Variants in OTUD7B observed in about 807,000 individuals in gnomAD.
OTUD7B encodes the protein OTU domain-containing protein 7B.
Under a neutral mutation model 82.2 loss-of-function variants are expected in OTUD7B, and 34 were observed. That is an observed-to-expected ratio of 0.41 (90% CI 0.31 to 0.55). The LOEUF is 0.55. Among genes scored for constraint, OTUD7B ranks in the 20% least tolerant of loss-of-function variants. OTUD7B has a pLI of 0.20. For missense variants in OTUD7B, 944 were observed against 1,062.1 expected (o/e 0.89, Z 1.55); for synonymous variants, 398 against 402.7 (o/e 0.99, Z 0.14).
At chr1:149,993,162 C>CAGCCTGAAAGCATCAA (rs1311502323) in intron 1 of OTUD7B, among the ~76,000 whole-genome samples, 6 of 152,108 alleles carry the variant, frequency 3.9e-5, no homozygotes, top group African/African-American at 1.4e-4. Context: ...AGAAAGTATA[C>CAGCCTGAAAGCATCAA]AGCCTGAAAG....
the OTUD7B span, among the ~76,000 whole-genome samples, chr1:150,060,081 A>G: frequency 6.6e-6 from 1 of 152,232 alleles, no homozygotes; most frequent in African/African-American, 2.4e-5. Context: ...TAATATTGGC[A>G]TATAAAAGAG....
Position 149,944,921 on chromosome 1 carries a change from G to A in OTUD7B, c.1468C>T (p.Arg490Ter), listed in dbSNP as rs782649998. ...CTCTTCTTGTCCTTCTCCCGATCTC[G>A]CTTTGACTTCTCCTTCCGCCGGCCG... ...EGGRRKEKSK[R>*]DREKDKKRAD... The change falls in exon 12 of 12, where the codon CGA becomes TGA. Residue 490 changes from arginine to a stop codon, truncating the protein, a stop_gained. Coordinates refer to ENST00000581312, the MANE Select transcript of OTUD7B (RefSeq NM_020205.4). LOFTEE classifies it high-confidence loss of function. The A allele has an allele frequency of 6.8e-6, 11 of 1,614,136 alleles. No individual in the cohort carries two copies. Among genetic ancestry groups the A allele is most frequent in the Non-Finnish European group, 9.3e-6 (11 of 1,180,038 alleles).
chr1:149,946,622 A>G (rs587741187), intron 11 of OTUD7B, among the ~76,000 whole-genome samples: 193 of 150,988 alleles, frequency 1.3e-3, no homozygotes, highest in Non-Finnish European at 2.0e-3. Context: ...CACGTCTGTA[A>G]TCCCAGCTAC....
the OTUD7B span, among the ~76,000 whole-genome samples, chr1:150,024,129 T>G: frequency 6.6e-6 from 1 of 152,220 alleles, no homozygotes; most frequent in South Asian, 2.1e-4. Flanking sequence ...TGAGCACTTA[T>G]CTGCACAAGG....
At position 149,984,587 on chromosome 1, in the gene OTUD7B, C is replaced by T. The variant is rs1315058706; in HGVS notation, c.-66-7011G>A. Among the ~76,000 whole-genome samples the T allele has an allele frequency of 2.0e-5, 3 of 152,164 alleles. No homozygotes were observed. The East Asian group carries it at 5.8e-4, about 29-fold the overall frequency. On this transcript the variant is annotated intron_variant, in intron 1 of 11. Coordinates refer to ENST00000581312, the MANE Select transcript of OTUD7B (RefSeq NM_020205.4). Reference sequence around the variant, plus strand: ...CATCTTCTCATTGAAACTTCATTCACAGCCCTAAGCACCCAAATGTTCATG... The same window carrying T: ...CATCTTCTCATTGAAACTTCATTCATAGCCCTAAGCACCCAAATGTTCATG...
At chr1:150,010,806 GCCT>G (rs1559872678), upstream of OTUD7B, 1 of 152,198 alleles carries the variant, frequency 6.6e-6, no homozygotes, top group East Asian at 1.9e-4. Context: ...CCGCCCCCGG[GCCT>G]CCTCCCGCTC....
At chr1:149,997,782 G>T (rs1553783708) in intron 1 of OTUD7B, among the ~76,000 whole-genome samples, 1 of 151,986 alleles carries the variant, frequency 6.6e-6, no homozygotes, top group African/African-American at 2.4e-5. Context: ...ACCATAATGT[G>T]GTCTTCAACT....
chr1:150,041,411 C>T, the OTUD7B span, among the ~76,000 whole-genome samples: 2 of 152,200 alleles, frequency 1.3e-5, no homozygotes, highest in Non-Finnish European at 2.9e-5. Flanking sequence ...CAGCTCACTG[C>T]ATCCTCCGCC....
At chr1:150,038,110 CA>C in the OTUD7B span, among the ~76,000 whole-genome samples, 1 of 152,070 alleles carries the variant, frequency 6.6e-6, no homozygotes, top group African/African-American at 2.4e-5. Flanking sequence ...CCACCCGCCT[CA>C]GCCTCCCAAA....
intron 1 of OTUD7B, 34 bp from the exon 2 acceptor site, chr1:149,977,610 A>ATCCTGTTC: frequency 1.2e-6 from 1 of 810,318 alleles, no homozygotes; most frequent in Non-Finnish European, 2.1e-6. Flanking sequence ...GGCTCAAATT[A>ATCCTGTTC]CACTGGAACA....
chr1:149,969,392 G>A (rs1383120764), intron 3 of OTUD7B, among the ~76,000 whole-genome samples: 1 of 152,126 alleles, frequency 6.6e-6, no homozygotes, highest in Non-Finnish European at 1.5e-5. Context: ...GATTTCACAA[G>A]GAAGTCTTCT....
the OTUD7B span, among the ~76,000 whole-genome samples, chr1:150,058,112 C>G: frequency 6.6e-6 from 1 of 152,210 alleles, no homozygotes; most frequent in Non-Finnish European, 1.5e-5. Context: ...ACAAAAACTA[C>G]TCAATCTCCT....
intron 6 of OTUD7B, among the ~76,000 whole-genome samples, chr1:149,960,413 T>TTTTTAG (rs1366020859): frequency 4.1e-5 from 3 of 72,566 alleles, no homozygotes; most frequent in East Asian, 4.9e-4. Context: ...TTTTTTTTTG[T>TTTTTAG]AGACAGAGTC....
rs185177523 is a variant in OTUD7B, at chr1:149,978,445, G to T, written c.-66-869C>A. Among the ~76,000 whole-genome samples the T allele has an allele frequency of 3.2e-3, 488 of 151,180 alleles. 2 individuals are homozygous for T. The highest frequency in any genetic ancestry group is 5.8e-3 in the Non-Finnish European group (390 of 67,640). ...TCCCTTGAACCTACGTGGGGCAGAG[G>T]TTGCAGTGAGCCGAGATCACACCAC... On this transcript the variant is annotated intron_variant, in intron 1 of 11. Transcript: ENST00000581312.
chr1:150,022,917 A>G, the OTUD7B span, among the ~76,000 whole-genome samples: 1 of 152,254 alleles, frequency 6.6e-6, no homozygotes, highest in Admixed American at 6.5e-5. Flanking sequence ...AACAAACAGC[A>G]TTAGCATCCA....
At chr1:150,006,351 GGAGGCT>G in intron 1 of OTUD7B, among the ~76,000 whole-genome samples, 1 of 152,212 alleles carries the variant, frequency 6.6e-6, no homozygotes, top group South Asian at 2.1e-4. Flanking sequence ...CAGCTACTCG[GGAGGCT>G]GAGGCAGGAC....
chr1:150,064,234 G>A, the OTUD7B span, among the ~76,000 whole-genome samples: 1 of 152,160 alleles, frequency 6.6e-6, no homozygotes, highest in Non-Finnish European at 1.5e-5. Flanking sequence ...AATTCATGAG[G>A]TAGGTTACGT....
chr1:150,003,986 T>C (rs1329303306), intron 1 of OTUD7B, among the ~76,000 whole-genome samples: 1 of 152,210 alleles, frequency 6.6e-6, no homozygotes, highest in African/African-American at 2.4e-5. Flanking sequence ...GCTTCCTAAC[T>C]TCTTTATTTC....
the OTUD7B span, among the ~76,000 whole-genome samples, chr1:150,032,816 C>T: frequency 2.0e-5 from 3 of 152,090 alleles, no homozygotes; most frequent in Non-Finnish European, 2.9e-5. Flanking sequence ...AGAATTTAAT[C>T]GTGTCTTGGC....
Sources: gnomAD v4.1 joint callset for allele counts (sites outside exome capture counted in the v4.1 genomes callset) on GRCh38, gnomAD v4.1.1 for gene constraint, MANE v1.5 for transcripts, NCBI Gene and HGNC (gene_info 2026-07-23, HGNC 2026-07-21) for gene names.